ADAM20: variants seen among roughly 807,000 people sequenced by gnomAD.
ADAM20 encodes ADAM metallopeptidase domain 20, also known as disintegrin and metalloproteinase domain-containing protein 20.
For missense variants in ADAM20, 871 were observed against 883.2 expected (o/e 0.99, Z 0.18); for synonymous variants, 305 against 310.2 (o/e 0.98, Z 0.18).
chr14:70,546,733 C>A, the ADAM20 span, among the ~76,000 whole-genome samples: 3 of 152,000 alleles, frequency 2.0e-5, no homozygotes, highest in Admixed American at 6.6e-5. Context: ...AACAACCTAA[C>A]AATGCATCTT....
At chr14:70,570,454 C>T in the ADAM20 span, among the ~76,000 whole-genome samples, 4 of 151,840 alleles carry the variant, frequency 2.6e-5, no homozygotes, top group African/African-American at 9.7e-5. Flanking sequence ...CAACTGATAC[C>T]ACAGAAAGAA....
the ADAM20 span, among the ~76,000 whole-genome samples, chr14:70,559,536 G>C: frequency 6.6e-6 from 1 of 152,138 alleles, no homozygotes; most frequent in Non-Finnish European, 1.5e-5. Flanking sequence ...TTTAATATGA[G>C]TCATATCATA....
the ADAM20 span, among the ~76,000 whole-genome samples, chr14:70,569,403 G>A: frequency 6.6e-6 from 1 of 152,106 alleles, no homozygotes; most frequent in Non-Finnish European, 1.5e-5. Context: ...AGCTATGACA[G>A]AAATGAAACC....
chr14:70,534,107 AAC>A (rs1197757697), intron 1 of ADAM20, among the ~76,000 whole-genome samples: 4,716 of 127,726 alleles, frequency 0.037, 153 homozygotes, highest in Middle Eastern at 0.062. Flanking sequence ...AAAAAAAAAA[AAC>A]ACACACACAC....
Position 70,523,715 on chromosome 14 carries a change from A to C in ADAM20, c.1043T>G (p.Leu348Trp). 1 of 1,614,082 alleles carries C rather than the reference A, an allele frequency of 6.2e-7. No homozygotes were observed. Among genetic ancestry groups the C allele is most frequent in the South Asian group, 1.1e-5 (1 of 91,084 alleles). ...CCACTGGGTGTCATGTTGCATACCC[A>C]AATTATGACCAAGCTCGTGGCCCAA... is the stretch of plus-strand genomic sequence containing the variant. ...ITLGHELGHNLGMQHDTQWCV... is the reference protein window; with the variant it reads ...ITLGHELGHNWGMQHDTQWCV... Residue 348 changes from leucine (L) to tryptophan (W), a missense_variant, in exon 2 of 2, where the codon TTG (leucine) becomes TGG (tryptophan). Transcript: ENST00000256389.
chr14:70,574,070 C>T, the ADAM20 span, among the ~76,000 whole-genome samples: 3 of 152,288 alleles, frequency 2.0e-5, no homozygotes, highest in South Asian at 6.2e-4. Flanking sequence ...TCTTCTCAAG[C>T]ACACACAGAA....
the ADAM20 span, among the ~76,000 whole-genome samples, chr14:70,558,128 G>A: frequency 6.6e-6 from 1 of 152,088 alleles, no homozygotes; most frequent in Admixed American, 6.5e-5. Flanking sequence ...AATATTGACA[G>A]GTACAGCTTC....
At chr14:70,555,313 G>A in the ADAM20 span, among the ~76,000 whole-genome samples, 1 of 152,152 alleles carries the variant, frequency 6.6e-6, no homozygotes, top group Non-Finnish European at 1.5e-5. Context: ...GTGAGATGTA[G>A]ATATATTAAT....
chr14:70,570,876 C>T, the ADAM20 span, among the ~76,000 whole-genome samples: 4 of 151,932 alleles, frequency 2.6e-5, no homozygotes, highest in Non-Finnish European at 2.9e-5. Context: ...TACTAGCAAA[C>T]TTAATTCAAC....
chr14:70,545,771 G>C, the ADAM20 span, among the ~76,000 whole-genome samples: 2 of 152,300 alleles, frequency 1.3e-5, no homozygotes, highest in African/African-American at 4.8e-5. Context: ...AATAGCTGGA[G>C]ACCTCAACAT....
the ADAM20 span, among the ~76,000 whole-genome samples, chr14:70,565,782 T>A: frequency 6.6e-6 from 1 of 152,266 alleles, no homozygotes; most frequent in East Asian, 1.9e-4. Context: ...CTACAGCTGA[T>A]GTAAAGTATA....
chr14:70,535,061 T>C (rs1164574536), upstream of ADAM20: 2 of 152,250 alleles, frequency 1.3e-5, no homozygotes, highest in East Asian at 3.8e-4. Context: ...TAGTTACTAC[T>C]CAATGTTGAT....
chr14:70,546,768 AC>A, the ADAM20 span, among the ~76,000 whole-genome samples: 2 of 152,326 alleles, frequency 1.3e-5, no homozygotes, highest in East Asian at 3.9e-4. Context: ...GCAACAGCAA[AC>A]CAAACCCCAA....
At chr14:70,564,736 A>AT in the ADAM20 span, among the ~76,000 whole-genome samples, 3,167 of 91,848 alleles carry the variant, frequency 0.034, 136 homozygotes, top group Non-Finnish European at 0.055. Flanking sequence ...GATAGACGCA[A>AT]TTTTTTTTTT....
chr14:70,546,101 G>A, the ADAM20 span, among the ~76,000 whole-genome samples: 3 of 152,104 alleles, frequency 2.0e-5, no homozygotes, highest in African/African-American at 7.2e-5. Flanking sequence ...CTCCTGAATG[G>A]CCACTGTGAT....
At chr14:70,563,084 A>G in the ADAM20 span, among the ~76,000 whole-genome samples, 2 of 152,200 alleles carry the variant, frequency 1.3e-5, no homozygotes, top group Non-Finnish European at 2.9e-5. Context: ...AAGAATTCTC[A>G]CAATTGCCAT....
the ADAM20 span, among the ~76,000 whole-genome samples, chr14:70,558,779 A>C: frequency 2.0e-5 from 3 of 151,978 alleles, no homozygotes; most frequent in East Asian, 3.8e-4. Flanking sequence ...AACAACAAAC[A>C]AAAAACTAAG....
chr14:70,579,156 G>C, the ADAM20 span, among the ~76,000 whole-genome samples: 1 of 152,018 alleles, frequency 6.6e-6, no homozygotes, highest in African/African-American at 2.4e-5. Context: ...TACAAGTGCA[G>C]GTGTCTTTTT....
the ADAM20 span, among the ~76,000 whole-genome samples, chr14:70,575,445 A>G: frequency 6.6e-6 from 1 of 152,088 alleles, no homozygotes; most frequent in Non-Finnish European, 1.5e-5. Flanking sequence ...CTGCTTTTAA[A>G]TACATTAAGT....
Sources: gnomAD v4.1 joint callset for allele counts (sites outside exome capture counted in the v4.1 genomes callset) on GRCh38, gnomAD v4.1.1 for gene constraint, MANE v1.5 for transcripts, NCBI Gene and HGNC (gene_info 2026-07-23, HGNC 2026-07-21) for gene names.